The following TBC1D32 variants were observed in gnomAD, a reference collection of about 807,000 sequenced individuals.
TBC1D32 encodes the protein TBC1 domain family member 32.
TBC1D32 carries 151 observed loss-of-function variants against 170.3 expected under a neutral mutation model. That is an observed-to-expected ratio of 0.89 (90% CI 0.78 to 1.01). TBC1D32 has a LOEUF of 1.01. Among genes scored for constraint, TBC1D32 ranks in the 50% least tolerant of loss-of-function variants. TBC1D32 has a pLI of 0.00. For missense variants in TBC1D32, 1,464 were observed against 1,457.1 expected (o/e 1.00, Z -0.08); for synonymous variants, 498 against 488.0 (o/e 1.02, Z -0.27).
rs549308788 is a variant in TBC1D32, at chr6:121,218,918, T to C, written c.2481+4318A>G. ...GATGTGTTTTCTTCCCCTTCCACCA[T>C]GATTGTAAGTTTCCTGAGTCTCCCC... is the stretch of plus-strand genomic sequence containing the variant. On this transcript the variant is annotated intron_variant, in intron 21 of 31. Transcript: ENST00000398212. Among the ~76,000 whole-genome samples, 15 of 152,302 alleles carry C rather than the reference T, an allele frequency of 9.8e-5. No homozygotes were observed. The East Asian group carries it at 2.9e-3, about 29-fold the overall frequency.
chr6:121,110,047 C>T (rs992048111), intron 29 of TBC1D32, among the ~76,000 whole-genome samples: 5 of 151,692 alleles, frequency 3.3e-5, no homozygotes, highest in Admixed American at 6.6e-5. Flanking sequence ...GTCAGGAGAT[C>T]GAGACCATCC....
chr6:121,111,787 C>G (rs1471157354), intron 29 of TBC1D32, among the ~76,000 whole-genome samples: 1 of 152,108 alleles, frequency 6.6e-6, no homozygotes, highest in Non-Finnish European at 1.5e-5. Context: ...TTCATCTCCA[C>G]ATAGATACTT....
intron 12 of TBC1D32, among the ~76,000 whole-genome samples, chr6:121,291,125 T>C (rs1051855542): frequency 6.6e-6 from 1 of 151,594 alleles, no homozygotes; most frequent in Admixed American, 6.6e-5. Context: ...GTTGTGCACA[T>C]GTACCCTAAA....
chr6:121,313,354 G>A (rs1040984683), intron 3 of TBC1D32, among the ~76,000 whole-genome samples: 2 of 149,870 alleles, frequency 1.3e-5, no homozygotes, highest in African/African-American at 4.9e-5. Context: ...TGCAATCTTG[G>A]CTCACTGCAA....
intron 15 of TBC1D32, among the ~76,000 whole-genome samples, chr6:121,264,668 A>C (rs1775430248): frequency 6.6e-6 from 1 of 152,230 alleles, no homozygotes; most frequent in African/African-American, 2.4e-5. Context: ...AATCCTCAAC[A>C]AAATACTCAC....
In TBC1D32 at chr6:121,286,036, G is replaced by GA. The variant is rs964864983; in HGVS notation, c.1373-2127dup. Among the ~76,000 whole-genome samples the GA allele has an allele frequency of 1.4e-4, 22 of 152,076 alleles. 2 individuals are homozygous for GA. Among genetic ancestry groups the GA allele is most frequent in the Admixed American group, 1.2e-3 (19 of 15,262 alleles). On this transcript the variant is annotated intron_variant, in intron 12 of 31. Transcript: ENST00000398212. Reference sequence around the variant, plus strand: ...AGGTAGATAAAACCACAAAGATGGGGAAAAAACAGAGGAGAAAAACTGGAA... The same window carrying GA: ...AGGTAGATAAAACCACAAAGATGGGGAAAAAAACAGAGGAGAAAAACTGGAA...
chr6:121,082,828 C>T (rs771963169), intron 31 of TBC1D32, among the ~76,000 whole-genome samples: 39 of 151,872 alleles, frequency 2.6e-4, no homozygotes, highest in Non-Finnish European at 4.6e-4. Context: ...CTGATAACTA[C>T]ACCAAAGAGA....
intron 22 of TBC1D32, among the ~76,000 whole-genome samples, chr6:121,197,959 T>C (rs1376284684): frequency 6.6e-6 from 1 of 151,810 alleles, no homozygotes; most frequent in Admixed American, 6.6e-5. Context: ...CAGAAAAACA[T>C]GAAAAGGTGA....
At chr6:121,302,712 A>G (rs1051091727) in intron 9 of TBC1D32, among the ~76,000 whole-genome samples, 2 of 152,144 alleles carry the variant, frequency 1.3e-5, no homozygotes, top group Admixed American at 1.3e-4. Context: ...TTTGATAATC[A>G]AGAAAAAAAT....
At chr6:121,082,198 A>G (rs1775710988) in intron 31 of TBC1D32, among the ~76,000 whole-genome samples, 1 of 152,188 alleles carries the variant, frequency 6.6e-6, no homozygotes, top group Non-Finnish European at 1.5e-5. Context: ...ACTGAGGTGT[A>G]TATCATGTCT....
intron 10 of TBC1D32, among the ~76,000 whole-genome samples, chr6:121,297,835 T>C (rs1457724621): frequency 6.6e-6 from 1 of 152,150 alleles, no homozygotes; most frequent in Non-Finnish European, 1.5e-5. Flanking sequence ...CAGTCATATG[T>C]GGCTTGTGGT....
chr6:121,310,907 A>G, intron 3 of TBC1D32, 60 bp from the exon 4 acceptor site: 1 of 933,156 alleles, frequency 1.1e-6, no homozygotes, highest in Non-Finnish European at 1.7e-6. Flanking sequence ...TATTGCTATA[A>G]GTTATTTTTT....
intron 29 of TBC1D32, among the ~76,000 whole-genome samples, chr6:121,108,570 G>C (rs1399930284): frequency 2.0e-5 from 3 of 151,964 alleles, no homozygotes; most frequent in African/African-American, 7.2e-5. Context: ...ATCCTAGAAA[G>C]TGACATAACA....
At chr6:121,322,925 A>G (rs1308155996) in intron 1 of TBC1D32, among the ~76,000 whole-genome samples, 1 of 152,138 alleles carries the variant, frequency 6.6e-6, no homozygotes, top group African/African-American at 2.4e-5. Flanking sequence ...ACATTATGCT[A>G]TAATTATACC....
chr6:121,089,980 C>G (rs971823693), intron 31 of TBC1D32, among the ~76,000 whole-genome samples: 1 of 150,752 alleles, frequency 6.6e-6, no homozygotes, highest in African/African-American at 2.4e-5. Flanking sequence ...GTCCCCCAGG[C>G]TGGAGTGCAG....
intron 22 of TBC1D32, chr6:121,170,594 G>A: frequency 2.4e-6 from 3 of 1,246,742 alleles, no homozygotes; most frequent in African/African-American, 1.5e-5. Flanking sequence ...TTACATCCTT[G>A]ATGTCTCAAA....
At chr6:121,204,633 G>A (rs933294515) in intron 22 of TBC1D32, among the ~76,000 whole-genome samples, 38 of 151,394 alleles carry the variant, frequency 2.5e-4, no homozygotes, top group Non-Finnish European at 4.9e-4. Flanking sequence ...AACTCAACTA[G>A]AAAGATTTAA....
At chr6:121,289,774 C>T (rs1372196518) in intron 12 of TBC1D32, among the ~76,000 whole-genome samples, 1 of 145,276 alleles carries the variant, frequency 6.9e-6, no homozygotes, top group Admixed American at 7.0e-5. Context: ...GTAACCAAAA[C>T]AGCATGGTAC....
intron 31 of TBC1D32, among the ~76,000 whole-genome samples, chr6:121,090,634 A>G (rs1167859167): frequency 6.6e-6 from 1 of 152,200 alleles, no homozygotes; most frequent in African/African-American, 2.4e-5. Context: ...TTGGATCCAG[A>G]CAGCTTATTT....
Sources: gnomAD v4.1 joint callset for allele counts (sites outside exome capture counted in the v4.1 genomes callset) on GRCh38, gnomAD v4.1.1 for gene constraint, MANE v1.5 for transcripts, NCBI Gene and HGNC (gene_info 2026-07-23, HGNC 2026-07-21) for gene names.